Variants in LRRTM4 observed in about 807,000 individuals in gnomAD.
The protein encoded by LRRTM4 is leucine rich repeat transmembrane neuronal 4.
In LRRTM4, 25 loss-of-function variants were observed where a neutral mutation model predicts 47.6. The ratio of observed to expected loss-of-function variants is 0.53; its 90% CI spans 0.38 to 0.73. The LOEUF is 0.73. Ranked by LOEUF, LRRTM4 falls within the 30% of genes least tolerant of loss-of-function variation. The pLI, the probability that LRRTM4 is intolerant of heterozygous loss-of-function variation, is 0.00. For synonymous variants in LRRTM4, 311 were observed against 269.5 expected (o/e 1.15, Z -1.51); for missense variants, 638 against 713.4 (o/e 0.89, Z 1.20).
At chr2:77,255,469 A>G (rs1675740016) in intron 3 of LRRTM4, among the ~76,000 whole-genome samples, 1 of 152,020 alleles carries the variant, frequency 6.6e-6, no homozygotes, top group Non-Finnish European at 1.5e-5. Context: ...GAGATTACAT[A>G]TTATTTTCAT....
At chr2:76,929,346 C>A (rs1317300013) in intron 3 of LRRTM4, among the ~76,000 whole-genome samples, 1 of 152,112 alleles carries the variant, frequency 6.6e-6, no homozygotes, top group African/African-American at 2.4e-5. Flanking sequence ...TGCCCATTTA[C>A]CTCCCTAGTG....
chr2:77,020,720 C>T (rs1678236625), intron 3 of LRRTM4, among the ~76,000 whole-genome samples: 1 of 152,156 alleles, frequency 6.6e-6, no homozygotes. Flanking sequence ...AGTAGATACT[C>T]TGCTCAAACA....
intron 3 of LRRTM4, among the ~76,000 whole-genome samples, chr2:77,138,229 A>G (rs1000097750): frequency 6.6e-6 from 1 of 152,108 alleles, no homozygotes; most frequent in South Asian, 2.1e-4. Flanking sequence ...GAAGTAAAGC[A>G]CTCCTCAGCA....
Position 77,342,106 on chromosome 2 carries a change from T to C in LRRTM4, c.1551+176212A>G, listed in dbSNP as rs1029539619. On this transcript the variant is annotated intron_variant, in intron 3 of 3. Coordinates refer to ENST00000409884, the MANE Select transcript of LRRTM4 (RefSeq NM_001134745.3). ...ACCAATGTGCTATACCAATGTACTA[T>C]ACCAATACACTCTGCTATGAAGTTA... Among the ~76,000 whole-genome samples the C allele has an allele frequency of 3.9e-5, 6 of 152,106 alleles. No individual in the cohort carries two copies. The East Asian group carries it at 9.6e-4, about 24-fold the overall frequency.
intron 3 of LRRTM4, among the ~76,000 whole-genome samples, chr2:77,237,051 G>C (rs1268153738): frequency 6.6e-6 from 1 of 151,964 alleles, no homozygotes; most frequent in Non-Finnish European, 1.5e-5. Flanking sequence ...ATAAGTTAGG[G>C]AGGATTCCCT....
intron 3 of LRRTM4, among the ~76,000 whole-genome samples, chr2:77,349,436 A>G (rs539994743): frequency 6.6e-6 from 1 of 152,214 alleles, no homozygotes; most frequent in East Asian, 1.9e-4. Context: ...AACATAAATA[A>G]GATTTAAACA....
At chr2:76,962,946 C>G (rs1675907309) in intron 3 of LRRTM4, among the ~76,000 whole-genome samples, 1 of 150,414 alleles carries the variant, frequency 6.6e-6, no homozygotes, top group Non-Finnish European at 1.5e-5. Flanking sequence ...TACACACAAA[C>G]ACGTGCACCA....
intron 3 of LRRTM4, among the ~76,000 whole-genome samples, chr2:77,466,780 C>A (rs1448800592): frequency 6.7e-6 from 1 of 149,260 alleles, no homozygotes; most frequent in African/African-American, 2.5e-5. Flanking sequence ...CTTACTGCAA[C>A]CTCCACTTCC....
chr2:77,108,578 CT>C (rs200805423), intron 3 of LRRTM4, among the ~76,000 whole-genome samples: 32 of 142,926 alleles, frequency 2.2e-4, no homozygotes, highest in East Asian at 1.9e-3. Context: ...CACAAACATT[CT>C]TTTTTTTTTT....
At chr2:77,410,656 G>T (rs995958459) in intron 3 of LRRTM4, among the ~76,000 whole-genome samples, 1 of 152,100 alleles carries the variant, frequency 6.6e-6, no homozygotes, top group African/African-American at 2.4e-5. Context: ...TTATCCTAGG[G>T]ATACATGTAT....
intron 3 of LRRTM4, among the ~76,000 whole-genome samples, chr2:77,032,392 T>G (rs1678691523): frequency 6.6e-6 from 1 of 152,194 alleles, no homozygotes; most frequent in African/African-American, 2.4e-5. Context: ...CATTTACCAT[T>G]GGACTATTAT....
chr2:76,846,297 G>T (rs566948710), intron 3 of LRRTM4, among the ~76,000 whole-genome samples: 277 of 152,182 alleles, frequency 1.8e-3, no homozygotes, highest in African/African-American at 6.4e-3. Flanking sequence ...GAGAATAACC[G>T]CCTTAGAAGG....
chr2:76,930,890 A>G (rs1231055338), intron 3 of LRRTM4, among the ~76,000 whole-genome samples: 1 of 152,212 alleles, frequency 6.6e-6, no homozygotes, highest in Non-Finnish European at 1.5e-5. Flanking sequence ...ATTATAATGA[A>G]TTACATTCTT....
In LRRTM4 at chr2:77,411,422, T is replaced by TTCTC. The variant is rs1182530329; in HGVS notation, c.1551+106892_1551+106895dup. 8.5e-5 allele frequency among the ~76,000 whole-genome samples: 8 copies of TTCTC among 94,348 alleles called. No homozygotes were observed. In the East Asian group the frequency reaches 1.1e-3, roughly 13 times the overall value. 61.9% of individuals were successfully genotyped at this position (94,348 alleles called of 152,430 possible). A position where few individuals can be genotyped will look rare whatever the true frequency, so the allele number is the denominator to read the frequency against. ...TCTTCTTTATTTCTCTCTTTCTTGT[T>TTCTC]TCTCTCTCTCTCTCTCTCTCTCTTT... On this transcript the variant is annotated intron_variant, in intron 3 of 3. Transcript: ENST00000409884.
In LRRTM4 at chr2:76,976,221, CAA is replaced by C. The variant is rs1676413500; in HGVS notation, c.1552-227307_1552-227306del. Among the ~76,000 whole-genome samples the C allele has an allele frequency of 2.6e-5, 4 of 151,682 alleles. No individual in the cohort carries two copies. In the Admixed American group the frequency reaches 2.6e-4, roughly 10 times the overall value. On this transcript the variant is annotated intron_variant, in intron 3 of 3. Transcript: ENST00000409884. ...CTTGCTTATCGTGTCATTAACCATT[CAA>C]AGAGCCTTCAGTAATAACACAATAT...
intron 3 of LRRTM4, among the ~76,000 whole-genome samples, chr2:76,972,412 C>CTTTTTTT (rs397869502): frequency 1.8e-4 from 17 of 95,252 alleles, no homozygotes; most frequent in Middle Eastern, 7.8e-3. Flanking sequence ...TCATTGAACA[C>CTTTTTTT]TTTTTTTTTT....
chr2:77,168,490 G>A (rs1159452424), intron 3 of LRRTM4, among the ~76,000 whole-genome samples: 8 of 151,958 alleles, frequency 5.3e-5, no homozygotes, highest in African/African-American at 1.7e-4. Context: ...TGTACAATGT[G>A]TAATGATTGA....
intron 3 of LRRTM4, among the ~76,000 whole-genome samples, chr2:77,271,885 C>T (rs1230781604): frequency 4.6e-5 from 7 of 152,162 alleles, no homozygotes; most frequent in Non-Finnish European, 2.9e-5. Context: ...CATGCGTACT[C>T]ACTCCACAGG....
chr2:77,130,504 A>G (rs980346686), intron 3 of LRRTM4, among the ~76,000 whole-genome samples: 2 of 151,258 alleles, frequency 1.3e-5, no homozygotes, highest in East Asian at 1.9e-4. Flanking sequence ...ACTATAATAA[A>G]TAATTATTTT....
Sources: gnomAD v4.1 joint callset for allele counts (sites outside exome capture counted in the v4.1 genomes callset) on GRCh38, gnomAD v4.1.1 for gene constraint, MANE v1.5 for transcripts, NCBI Gene and HGNC (gene_info 2026-07-23, HGNC 2026-07-21) for gene names.